The following CNGA3 variants were observed in gnomAD, a reference collection of about 807,000 sequenced individuals.
CNGA3 encodes cyclic nucleotide-gated channel alpha-3.
Under a neutral mutation model 46.6 loss-of-function variants are expected in CNGA3, and 42 were observed. That is an observed-to-expected ratio of 0.90 (90% CI 0.70 to 1.17). CNGA3 has a LOEUF of 1.17. Ranked by LOEUF, CNGA3 falls within the 50% of genes most tolerant of loss-of-function variation. The pLI is 0.00. For synonymous variants in CNGA3, 394 were observed against 369.4 expected (o/e 1.07, Z -0.76); for missense variants, 893 against 890.7 (o/e 1.00, Z -0.03).
At chr2:98,369,814 C>T in intron 1 of CNGA3, 125 bp from the exon 2 acceptor site, 2 of 658,156 alleles carry the variant, frequency 3.0e-6, no homozygotes, top group Non-Finnish European at 5.5e-6. Flanking sequence ...CTACAAGAGA[C>T]AGCAGAGGGT....
At chr2:98,378,622 C>G (rs1558812259) in intron 3 of CNGA3, among the ~76,000 whole-genome samples, 2 of 152,324 alleles carry the variant, frequency 1.3e-5, no homozygotes, top group Middle Eastern at 6.8e-3. Context: ...TTTAACTAGT[C>G]CATTGTAGCT....
chr2:98,367,138 C>T (rs1692172187), intron 1 of CNGA3, among the ~76,000 whole-genome samples: 2 of 147,120 alleles, frequency 1.4e-5, no homozygotes, highest in Admixed American at 6.9e-5. Flanking sequence ...CATTTTCATT[C>T]TCCTTGGTGA....
intron 1 of CNGA3, among the ~76,000 whole-genome samples, chr2:98,350,174 C>G (rs996908597): frequency 6.6e-6 from 1 of 152,156 alleles, no homozygotes; most frequent in African/African-American, 2.4e-5. Flanking sequence ...GACTTTGAAC[C>G]AAGGTATTTA....
At chr2:98,380,683 C>G (rs989656865) in intron 4 of CNGA3, among the ~76,000 whole-genome samples, 1 of 152,176 alleles carries the variant, frequency 6.6e-6, no homozygotes, top group African/African-American at 2.4e-5. Flanking sequence ...CTGGCCTTAC[C>G]TATCTCTCTT....
At chr2:98,365,916 C>A (rs79562990) in intron 1 of CNGA3, among the ~76,000 whole-genome samples, 1,527 of 152,314 alleles carry the variant, frequency 0.01, 26 homozygotes, top group African/African-American at 0.035. Flanking sequence ...TCCATCTCGG[C>A]CTCAGCCCAG....
At chr2:98,384,254 G>A (rs1692605953) in intron 5 of CNGA3, among the ~76,000 whole-genome samples, 1 of 152,122 alleles carries the variant, frequency 6.6e-6, no homozygotes, top group Admixed American at 6.6e-5. Context: ...AGTGGAAAAA[G>A]GCAATTTAAA....
chr2:98,392,435 C>T (rs1692811462), intron 7 of CNGA3, among the ~76,000 whole-genome samples: 1 of 152,156 alleles, frequency 6.6e-6, no homozygotes, highest in Non-Finnish European at 1.5e-5. Context: ...TGGCATGTGC[C>T]TGTAATCCCA....
At chr2:98,383,323 G>A in intron 4 of CNGA3, 65 bp from the exon 5 acceptor site, 1 of 1,492,406 alleles carries the variant, frequency 6.7e-7, no homozygotes, top group South Asian at 1.1e-5. Flanking sequence ...TAATCCCCTG[G>A]TGAAATGGCC....
intron 6 of CNGA3, 63 bp downstream of exon 6, chr2:98,389,837 C>T: frequency 7.4e-7 from 1 of 1,348,438 alleles, no homozygotes; most frequent in East Asian, 2.3e-5. Context: ...GCCCAGGAGC[C>T]AGAGCTCCAC....
At chr2:98,359,606 G>A (rs886951867) in intron 1 of CNGA3, among the ~76,000 whole-genome samples, 12 of 152,160 alleles carry the variant, frequency 7.9e-5, no homozygotes, top group Non-Finnish European at 1.8e-4. Flanking sequence ...CTGAGAGCAG[G>A]AAGTCATGAG....
chr2:98,375,157 G>A (rs1692375662), intron 2 of CNGA3, among the ~76,000 whole-genome samples: 1 of 152,176 alleles, frequency 6.6e-6, no homozygotes, highest in Non-Finnish European at 1.5e-5. Context: ...ATCCTGGGTG[G>A]GTTTTGCCTT....
chr2:98,391,900 G>C lies in CNGA3; in HGVS notation c.603G>C (p.Met201Ile), dbSNP rs374497578. 15 of 1,614,086 alleles carry C rather than the reference G, an allele frequency of 9.3e-6. No individual in the cohort carries two copies. In the African/African-American group the frequency reaches 2.0e-4, roughly 22 times the overall value. ...ATGAGCTGCAGTCCGAGTACCTGAT[G>C]CTGTGGCTGGTCCTGGACTACTCGG... ...CFDELQSEYL[M>I]LWLVLDYSAD... is the part of the protein sequence containing the mutation. The change falls in exon 7 of 8, where the codon ATG becomes ATC. Residue 201 changes from methionine (M) to isoleucine (I), a missense_variant. Physicochemically the swap from Met to Ile is conservative, Grantham distance 10 (BLOSUM62 1). Coordinates refer to ENST00000272602, the MANE Select transcript of CNGA3 (RefSeq NM_001298.3).
intron 5 of CNGA3, among the ~76,000 whole-genome samples, chr2:98,388,106 C>T (rs1027212656): frequency 1.3e-5 from 2 of 152,184 alleles, no homozygotes; most frequent in Non-Finnish European, 2.9e-5. Context: ...AACCCCATTT[C>T]ATCCCAATGC....
chr2:98,359,546 C>T (rs1691975256), intron 1 of CNGA3, among the ~76,000 whole-genome samples: 1 of 152,208 alleles, frequency 6.6e-6, no homozygotes, highest in African/African-American at 2.4e-5. Flanking sequence ...TGCATTACCA[C>T]CTGGAGGCCA....
intron 2 of CNGA3, 113 bp downstream of exon 2, chr2:98,370,189 G>A (rs1340609552): frequency 1.2e-6 from 1 of 831,720 alleles, no homozygotes; most frequent in Non-Finnish European, 2.0e-6. Flanking sequence ...CAGGTCAGAG[G>A]GCAGGGGAGG....
At chr2:98,389,801 C>G (rs775736111) in intron 6 of CNGA3, 27 bp downstream of exon 6, 2 of 1,586,914 alleles carry the variant, frequency 1.3e-6, no homozygotes, top group Admixed American at 1.7e-5. Context: ...GAAGGTGCAG[C>G]GGAAAGGGGG....
At chr2:98,369,003 C>A (rs1180516112) in intron 1 of CNGA3, among the ~76,000 whole-genome samples, 1 of 152,178 alleles carries the variant, frequency 6.6e-6, no homozygotes, top group Non-Finnish European at 1.5e-5. Flanking sequence ...GGGGAAGTTG[C>A]GAATCTTACG....
At chr2:98,373,674 C>T (rs1337624340) in intron 2 of CNGA3, among the ~76,000 whole-genome samples, 7 of 152,214 alleles carry the variant, frequency 4.6e-5, no homozygotes, top group Non-Finnish European at 5.9e-5. Context: ...TTCATTTCTA[C>T]TTAGATCTTT....
In CNGA3 at chr2:98,396,986, C is replaced by A. The variant is rs754554042; in HGVS notation, c.1816C>A (p.Leu606Met). Reference sequence around the variant, plus strand: ...CCTGGAGGAGAAAGGACGGCAGATCCTGATGAAAGACAACCTGATCGATGA... The same window carrying A: ...CCTGGAGGAGAAAGGACGGCAGATCATGATGAAAGACAACCTGATCGATGA... ...KALEEKGRQI[L>M]MKDNLIDEEL... The change falls in exon 8 of 8, where the codon CTG becomes ATG. Residue 606 changes from leucine (L) to methionine (M), a missense_variant. Leu to Met is a conservative substitution (Grantham distance 15). Coordinates refer to ENST00000272602, the MANE Select transcript of CNGA3 (RefSeq NM_001298.3). 1 of 1,614,076 alleles carries A rather than the reference C, an allele frequency of 6.2e-7. No homozygotes were observed. The highest frequency in any genetic ancestry group is 8.5e-7 in the Non-Finnish European group (1 of 1,179,976).
Sources: gnomAD v4.1 joint callset for allele counts (sites outside exome capture counted in the v4.1 genomes callset) on GRCh38, gnomAD v4.1.1 for gene constraint, MANE v1.5 for transcripts, NCBI Gene and HGNC (gene_info 2026-07-23, HGNC 2026-07-21) for gene names.